CSMD1: variants seen among roughly 807,000 people sequenced by gnomAD.
The protein encoded by CSMD1 is CUB and Sushi multiple domains 1.
Under a neutral mutation model 417.5 loss-of-function variants are expected in CSMD1, and 213 were observed. The ratio of observed to expected loss-of-function variants is 0.51; its 90% CI spans 0.46 to 0.57. CSMD1 has a LOEUF of 0.57. Ranked by LOEUF, CSMD1 falls within the 20% of genes least tolerant of loss-of-function variation. The probability of loss-of-function intolerance (pLI) is 0.00; values close to 1 mark genes in which losing one functional copy is unlikely to be tolerated. For missense variants in CSMD1, 6,923 were observed against 4,529.7 expected, an observed-to-expected ratio of 1.53 and a Z score of -15.17; for synonymous variants, 2,862 against 1,736.8, an observed-to-expected ratio of 1.65 and a Z score of -16.11.
At chr8:4,946,602 G>C (rs186654236) in intron 1 of CSMD1, among the ~76,000 whole-genome samples, 61 of 152,326 alleles carry the variant, frequency 4.0e-4, no homozygotes, top group African/African-American at 1.3e-3. Flanking sequence ...CTAGGCTTAT[G>C]TCTAAGGAAG....
At chr8:4,354,100 T>A (rs1021995869) in intron 3 of CSMD1, among the ~76,000 whole-genome samples, 15 of 152,208 alleles carry the variant, frequency 9.9e-5, no homozygotes, top group African/African-American at 2.9e-4. Context: ...TTCCATATTC[T>A]CGTTAACTTG....
chr8:3,040,387 AATATATATATATAT>A (rs35722761), intron 50 of CSMD1, among the ~76,000 whole-genome samples: 2 of 137,554 alleles, frequency 1.5e-5, no homozygotes, highest in Non-Finnish European at 3.1e-5. Context: ...TACACATTGA[AATATATATATATAT>A]ATATATATAT....
At chr8:4,455,607 C>A (rs940726793) in intron 2 of CSMD1, among the ~76,000 whole-genome samples, 2 of 152,018 alleles carry the variant, frequency 1.3e-5, no homozygotes, top group East Asian at 3.9e-4. Flanking sequence ...TTTAAATCAT[C>A]TTATTTTCTC....
intron 3 of CSMD1, among the ~76,000 whole-genome samples, chr8:4,370,905 G>A (rs1189868125): frequency 6.6e-6 from 1 of 152,194 alleles, no homozygotes; most frequent in Admixed American, 6.5e-5. Context: ...TCCAGATTCT[G>A]AAGTCTATGT....
intron 54 of CSMD1, among the ~76,000 whole-genome samples, chr8:2,989,325 G>A (rs1272858417): frequency 6.6e-6 from 1 of 151,992 alleles, no homozygotes; most frequent in Non-Finnish European, 1.5e-5. Context: ...CTGTGTACTA[G>A]ATTGAATCTT....
intron 26 of CSMD1, among the ~76,000 whole-genome samples, chr8:3,268,381 G>A (rs527814061): frequency 4.4e-5 from 6 of 135,640 alleles, no homozygotes; most frequent in African/African-American, 1.7e-4. Flanking sequence ...CTCCGCCTCC[G>A]AGGTTCACAC....
chr8:4,474,669 G>A (rs1800705439), intron 2 of CSMD1, among the ~76,000 whole-genome samples: 1 of 152,098 alleles, frequency 6.6e-6, no homozygotes, highest in South Asian at 2.1e-4. Context: ...AGTTGACGTT[G>A]AACAACAACG....
chr8:3,918,616 G>C (rs765877185), intron 5 of CSMD1, among the ~76,000 whole-genome samples: 1 of 151,954 alleles, frequency 6.6e-6, no homozygotes, highest in African/African-American at 2.4e-5. Context: ...TTGCAATGTG[G>C]AACCAGCATA....
At chr8:3,953,942 G>A (rs1811751088) in intron 5 of CSMD1, among the ~76,000 whole-genome samples, 1 of 152,196 alleles carries the variant, frequency 6.6e-6, no homozygotes, top group African/African-American at 2.4e-5. Flanking sequence ...GGGTGGCTCT[G>A]GGTCTCGCCT....
intron 45 of CSMD1, 106 bp downstream of exon 45, chr8:3,107,612 C>T (rs201702901): frequency 1.7e-6 from 1 of 597,266 alleles, no homozygotes; most frequent in Non-Finnish European, 2.8e-6. Flanking sequence ...GTTTTTGTTT[C>T]TCTGACAAAT....
chr8:4,690,630 AT>A (rs1167662920), intron 1 of CSMD1, among the ~76,000 whole-genome samples: 1 of 152,226 alleles, frequency 6.6e-6, no homozygotes, highest in East Asian at 1.9e-4. Flanking sequence ...GAATACAGTT[AT>A]TCACACAATC....
At chr8:4,431,939 A>T (rs2128947542) in intron 2 of CSMD1, among the ~76,000 whole-genome samples, 1 of 152,342 alleles carries the variant, frequency 6.6e-6, no homozygotes, top group Admixed American at 6.5e-5. Flanking sequence ...TACTTCAAAT[A>T]AACACAGTAT....
At chr8:3,423,758 G>A (rs1271961347) in intron 12 of CSMD1, among the ~76,000 whole-genome samples, 8 of 152,116 alleles carry the variant, frequency 5.3e-5, no homozygotes, top group Non-Finnish European at 4.4e-5. Flanking sequence ...ACTTAGGGGT[G>A]GAATTGTTGG....
intron 7 of CSMD1, among the ~76,000 whole-genome samples, chr8:3,632,473 T>C (rs999879369): frequency 6.6e-6 from 1 of 152,164 alleles, no homozygotes; most frequent in Non-Finnish European, 1.5e-5. Context: ...TACATATATC[T>C]CATTAACATG....
At chr8:3,721,890 T>C (rs17067136) in intron 6 of CSMD1, among the ~76,000 whole-genome samples, 2 of 152,072 alleles carry the variant, frequency 1.3e-5, no homozygotes, top group African/African-American at 4.8e-5. Flanking sequence ...GCCCGTTAAG[T>C]AGCTGACTGT....
chr8:4,313,239 T>C (rs556629195), intron 3 of CSMD1, among the ~76,000 whole-genome samples: 2 of 152,168 alleles, frequency 1.3e-5, no homozygotes, highest in East Asian at 3.9e-4. Flanking sequence ...AAAAACCTAG[T>C]TGGCTAAATT....
intron 5 of CSMD1, among the ~76,000 whole-genome samples, chr8:3,875,441 A>C (rs1805752201): frequency 6.6e-6 from 1 of 152,092 alleles, no homozygotes; most frequent in Admixed American, 6.6e-5. Context: ...AGGGAGTGAG[A>C]TGATGTAGGT....
chr8:4,588,949 A>T (rs1382407601), intron 2 of CSMD1, among the ~76,000 whole-genome samples: 2 of 152,144 alleles, frequency 1.3e-5, no homozygotes, highest in Non-Finnish European at 2.9e-5. Flanking sequence ...ATTGCCTTTA[A>T]GTATAGTAGA....
intron 1 of CSMD1, among the ~76,000 whole-genome samples, chr8:4,659,545 C>T (rs140733597): frequency 7.9e-5 from 12 of 152,256 alleles, no homozygotes; most frequent in African/African-American, 2.6e-4. Context: ...CAAAATGTCA[C>T]AGACAGTACA....
Sources: allele counts gnomAD v4.1 joint callset (sites outside exome capture counted in the v4.1 genomes callset), GRCh38; gene constraint gnomAD v4.1.1; transcripts MANE v1.5; gene names NCBI Gene and HGNC (gene_info 2026-07-23, HGNC 2026-07-21).